The following MBNL2 variants were observed in gnomAD, a reference collection of about 807,000 sequenced individuals.
The protein encoded by MBNL2 is muscleblind-like protein 2.
In MBNL2, 17 loss-of-function variants were observed where a neutral mutation model predicts 41.9. The observed-to-expected ratio is 0.41, with a 90% CI of 0.28 to 0.61. The LOEUF (loss-of-function observed/expected upper bound fraction) is 0.61, where lower values mean the gene tolerates loss of function less well. Among genes scored for constraint, MBNL2 ranks in the 20% least tolerant of loss-of-function variants. The probability of loss-of-function intolerance (pLI) is 0.35; values close to 1 mark genes in which losing one functional copy is unlikely to be tolerated. For synonymous variants in MBNL2, 195 were observed against 182.9 expected, an observed-to-expected ratio of 1.07 and a Z score of -0.53; for missense variants, 336 against 505.6, an observed-to-expected ratio of 0.66 and a Z score of 3.22.
intron 1 of MBNL2, among the ~76,000 whole-genome samples, chr13:97,227,605 A>G (rs1296893591): frequency 6.6e-6 from 1 of 152,236 alleles, no homozygotes; most frequent in African/African-American, 2.4e-5. Flanking sequence ...TGTGCTGGGT[A>G]AAGCTGCTGG....
chr13:97,163,766 G>T, the MBNL2 span, among the ~76,000 whole-genome samples: 1 of 151,970 alleles, frequency 6.6e-6, no homozygotes. Context: ...TCAGGGAAGG[G>T]GTGGGCCCTT....
intron 2 of MBNL2, among the ~76,000 whole-genome samples, chr13:97,307,942 G>GAAC (rs2058269953): frequency 2.6e-5 from 4 of 152,190 alleles, no homozygotes; most frequent in South Asian, 2.1e-4. Context: ...AGTCAATGAT[G>GAAC]AGAATGCTGT....
intron 2 of MBNL2, among the ~76,000 whole-genome samples, chr13:97,299,805 A>T (rs2057436746): frequency 6.6e-6 from 1 of 152,188 alleles, no homozygotes; most frequent in Non-Finnish European, 1.5e-5. Flanking sequence ...TACTTAAAAA[A>T]CATTCTAAGA....
the MBNL2 span, among the ~76,000 whole-genome samples, chr13:97,213,470 C>A: frequency 6.6e-6 from 1 of 152,144 alleles, no homozygotes; most frequent in Non-Finnish European, 1.5e-5. Context: ...ATTTGCAATG[C>A]ACATTCCCAG....
the MBNL2 span, among the ~76,000 whole-genome samples, chr13:97,197,328 A>G: frequency 6.6e-6 from 1 of 152,226 alleles, no homozygotes; most frequent in African/African-American, 2.4e-5. Flanking sequence ...TAATCTCTGC[A>G]ATAGATTCAT....
chr13:97,167,449 TA>T, the MBNL2 span, among the ~76,000 whole-genome samples: 1 of 151,972 alleles, frequency 6.6e-6, no homozygotes, highest in Non-Finnish European at 1.5e-5. Context: ...TAGATATTTT[TA>T]TAGGAAAACC....
the MBNL2 span, among the ~76,000 whole-genome samples, chr13:97,145,006 A>AT: frequency 1.3e-5 from 2 of 152,154 alleles, no homozygotes; most frequent in African/African-American, 4.8e-5. Context: ...ACCAATTTAA[A>AT]TTTTGTCTGT....
At chr13:97,262,614 C>G (rs1566374200) in intron 1 of MBNL2, among the ~76,000 whole-genome samples, 1 of 152,112 alleles carries the variant, frequency 6.6e-6, no homozygotes, top group Non-Finnish European at 1.5e-5. Flanking sequence ...ATGGTTTTAG[C>G]AGTCATTTCC....
intron 5 of MBNL2, among the ~76,000 whole-genome samples, chr13:97,351,933 G>A (rs1409667834): frequency 4.6e-5 from 7 of 152,204 alleles, no homozygotes; most frequent in Non-Finnish European, 7.4e-5. Context: ...TGAGGCATGA[G>A]AATCGCTTGA....
the MBNL2 span, among the ~76,000 whole-genome samples, chr13:97,174,432 A>G: frequency 7.9e-5 from 12 of 152,268 alleles, no homozygotes; most frequent in Admixed American, 7.9e-4. Context: ...TAGGACAAAG[A>G]AAACCAGAAA....
chr13:97,160,923 T>G, the MBNL2 span, among the ~76,000 whole-genome samples: 11 of 152,208 alleles, frequency 7.2e-5, no homozygotes, highest in Non-Finnish European at 1.5e-4. Flanking sequence ...TGAGATAGTG[T>G]CATGCCAAGT....
the MBNL2 span, among the ~76,000 whole-genome samples, chr13:97,161,201 G>A: frequency 6.6e-6 from 1 of 152,152 alleles, no homozygotes; most frequent in Admixed American, 6.6e-5. Flanking sequence ...GTTCCCAATG[G>A]CATTTAGCAT....
At chr13:97,188,896 C>T in the MBNL2 span, among the ~76,000 whole-genome samples, 1 of 151,798 alleles carries the variant, frequency 6.6e-6, no homozygotes, top group Non-Finnish European at 1.5e-5. Flanking sequence ...CTGAAAGATC[C>T]ATGCCCTCTG....
intron 5 of MBNL2, among the ~76,000 whole-genome samples, chr13:97,356,169 C>T (rs1054811427): frequency 1.3e-5 from 2 of 152,122 alleles, no homozygotes; most frequent in African/African-American, 4.8e-5. Context: ...GACAATTATC[C>T]ACATGATTCA....
chr13:97,347,491 T>A (rs2061994383), intron 5 of MBNL2, among the ~76,000 whole-genome samples: 1 of 152,218 alleles, frequency 6.6e-6, no homozygotes, highest in Admixed American at 6.5e-5. Flanking sequence ...ACGGAGGACA[T>A]CTGTGGCCTA....
At chr13:97,209,381 T>C in the MBNL2 span, among the ~76,000 whole-genome samples, 1 of 152,204 alleles carries the variant, frequency 6.6e-6, no homozygotes, top group Non-Finnish European at 1.5e-5. Context: ...CTAGGTTCTT[T>C]AGAGACCCAG....
the MBNL2 span, among the ~76,000 whole-genome samples, chr13:97,184,513 C>T: frequency 1.3e-5 from 2 of 152,156 alleles, no homozygotes; most frequent in African/African-American, 4.8e-5. Flanking sequence ...CCCTCCACTA[C>T]CAAGCATCAG....
Position 97,346,721 on chromosome 13 carries a change from C to T in MBNL2, c.541-83C>T, listed in dbSNP as rs190585666. The T allele has an allele frequency of 5.6e-4, 656 of 1,181,770 alleles. 2 individuals are homozygous for T. Among genetic ancestry groups the T allele is most frequent in the Middle Eastern group, 4.6e-3 (20 of 4,350 alleles). The allele number at this position is 1,181,770 out of a possible 1,614,324, so 73.2% of individuals were successfully genotyped here. On this transcript the variant is annotated intron_variant, in intron 4 of 8. Transcript: ENST00000679496. This position sits in a 1 kb window ranked among gnomAD's most constrained non-coding sequence, Gnocchi z 4.2. ...CCACCATTGAAAGCGAGGCAGCCTC[C>T]GCTCCTCCCGCGGTGGCCGGGGCCG... is the stretch of plus-strand genomic sequence containing the variant.
intron 2 of MBNL2, among the ~76,000 whole-genome samples, chr13:97,311,475 A>C (rs1489807397): frequency 2.6e-5 from 4 of 152,198 alleles, no homozygotes; most frequent in Non-Finnish European, 5.9e-5. Context: ...TTTACAATTA[A>C]ATTTAAGCAA....
Sources: allele counts gnomAD v4.1 joint callset (sites outside exome capture counted in the v4.1 genomes callset), GRCh38; gene constraint gnomAD v4.1.1; non-coding constraint Gnocchi (gnomAD v3.1); transcripts MANE v1.5; gene names NCBI Gene and HGNC (gene_info 2026-07-23, HGNC 2026-07-21).